The following ZKSCAN7 variants were observed in gnomAD, a reference collection of about 807,000 sequenced individuals.
The protein encoded by ZKSCAN7 is zinc finger protein with KRAB and SCAN domains 7.
ZKSCAN7 carries 38 observed loss-of-function variants against 65.3 expected under a neutral mutation model. That is an observed-to-expected ratio of 0.58 (90% CI 0.45 to 0.76). The LOEUF is 0.76. Ranked by LOEUF, ZKSCAN7 falls within the 30% of genes least tolerant of loss-of-function variation. The pLI is 0.00. For missense variants in ZKSCAN7, 815 were observed against 913.3 expected, an observed-to-expected ratio of 0.89 and a Z score of 1.39; for synonymous variants, 321 against 321.0, an observed-to-expected ratio of 1.00 and a Z score of 0.00.
chr3:44,568,834 G>A (rs1207589825), intron 5 of ZKSCAN7, among the ~76,000 whole-genome samples: 1 of 152,208 alleles, frequency 6.6e-6, no homozygotes, highest in Non-Finnish European at 1.5e-5. Flanking sequence ...CTGTGTTCCA[G>A]TGTGAATGTA....
At chr3:44,564,466 C>T (rs1266934026) in intron 2 of ZKSCAN7, among the ~76,000 whole-genome samples, 1 of 152,070 alleles carries the variant, frequency 6.6e-6, no homozygotes, top group African/African-American at 2.4e-5. Context: ...AAGTTCTTAC[C>T]CTCAAAAAAC....
At chr3:44,579,583 C>T (rs779663476) in intron 5 of ZKSCAN7, among the ~76,000 whole-genome samples, 6 of 152,122 alleles carry the variant, frequency 3.9e-5, no homozygotes, top group African/African-American at 7.2e-5. Context: ...GGGCGGTGGT[C>T]GGGTGCACAT....
At position 44,571,081 on chromosome 3, in the gene ZKSCAN7, C is replaced by T. The variant is rs1699793494; in HGVS notation, c.1971C>T (p.His657=). The T allele has an allele frequency of 6.2e-7, 1 of 1,614,022 alleles. No homozygotes were observed. Among genetic ancestry groups the T allele is most frequent in the Non-Finnish European group, 8.5e-7 (1 of 1,180,042 alleles). Residue 657 remains histidine, a synonymous_variant, in exon 6 of 6, where the codon CAC becomes CAT. Coordinates refer to ENST00000426540, the MANE Select transcript of ZKSCAN7 (RefSeq NM_001288590.2). ...ACCTTATTATACACCAGAGAATTCA[C>T]ACTGGTGAGAAACCCTATGAATGTA... The part of the protein sequence containing the change: ...NSHLIIHQRI[H]TGEKPYECNE...
downstream of ZKSCAN7, among the ~76,000 whole-genome samples, chr3:44,576,995 A>C (rs961973195): frequency 2.0e-5 from 3 of 151,048 alleles, no homozygotes; most frequent in Non-Finnish European, 2.9e-5. Context: ...ACAGGGTCTT[A>C]CTCTGTCACC....
intron 5 of ZKSCAN7, among the ~76,000 whole-genome samples, chr3:44,578,990 T>A (rs930317375): frequency 6.6e-6 from 1 of 152,278 alleles, no homozygotes; most frequent in South Asian, 2.1e-4. Flanking sequence ...CTGCTCCAGC[T>A]CCTTCTTGAG....
chr3:44,581,697 A>G (rs1700090374), intron 5 of ZKSCAN7, among the ~76,000 whole-genome samples: 1 of 152,218 alleles, frequency 6.6e-6, no homozygotes, highest in South Asian at 2.1e-4. Flanking sequence ...AAACCCAAGG[A>G]CAGTTTAGGT....
At chr3:44,580,755 G>T in intron 5 of ZKSCAN7, 1 of 1,613,778 alleles carries the variant, frequency 6.2e-7, no homozygotes, top group Non-Finnish European at 8.5e-7. Flanking sequence ...AGGAAGGGTC[G>T]TGGGCATCTC....
chr3:44,567,181 G>GAA (rs10662770), intron 3 of ZKSCAN7, among the ~76,000 whole-genome samples: 127,808 of 150,218 alleles, frequency 0.85, 54,390 homozygotes, highest in Middle Eastern at 0.91. Flanking sequence ...GAAAAGAAAA[G>GAA]AGAGAAAAGA....
At chr3:44,563,041 C>T (rs1241386418) in intron 2 of ZKSCAN7, among the ~76,000 whole-genome samples, 1 of 151,996 alleles carries the variant, frequency 6.6e-6, no homozygotes, top group Non-Finnish European at 1.5e-5. Context: ...GTTCAAAGTT[C>T]CACAGATATC....
rs756854630 is a variant in ZKSCAN7 at position 44,570,172 on chromosome 3, T to C, written c.1062T>C (p.Tyr354=). 5.0e-6 allele frequency: 8 copies of C among 1,614,036 alleles called. No homozygotes were observed. Among genetic ancestry groups the C allele is most frequent in the South Asian group, 3.3e-5 (3 of 91,090 alleles). ...EDKKKSTKDR[Y]DKYKEVGEHP... is the part of the protein sequence containing the mutation. ...AGAAAAAATCCACAAAAGACAGATATGACAAATATAAGGAAGTTGGGGAAC... is the reference window on the plus strand; with the variant it reads ...AGAAAAAATCCACAAAAGACAGATACGACAAATATAAGGAAGTTGGGGAAC... The change falls in exon 6 of 6, where the codon TAT becomes TAC. Residue 354 remains tyrosine (Y), a synonymous_variant. Transcript: ENST00000426540.
chr3:44,556,527 CA>C (rs1699298760), intron 1 of ZKSCAN7, among the ~76,000 whole-genome samples: 1 of 152,232 alleles, frequency 6.6e-6, no homozygotes, highest in African/African-American at 2.4e-5. Context: ...TACTACTATA[CA>C]AATTGTAATG....
At chr3:44,575,672 G>T (rs541164544), downstream of ZKSCAN7, among the ~76,000 whole-genome samples, 2 of 152,306 alleles carry the variant, frequency 1.3e-5, no homozygotes, top group African/African-American at 4.8e-5. Flanking sequence ...CCGCCTCCCA[G>T]GTTCAAGCAA....
intron 5 of ZKSCAN7, chr3:44,580,439 G>C (rs558237992): frequency 1.9e-6 from 3 of 1,600,968 alleles, no homozygotes; most frequent in Non-Finnish European, 1.7e-6. Context: ...GTGTGGACTT[G>C]GTGGTGGGGA....
At position 44,570,396 on chromosome 3, in the gene ZKSCAN7, A is replaced by T; in HGVS notation, c.1286A>T (p.His429Leu). ...TFRQTSQLIV[H>L]LRTHTGEKPY... is the part of the protein sequence containing the mutation. The stretch of plus-strand genomic sequence containing the variant: ...AGGCAAACCTCCCAGCTCATTGTTC[A>T]TCTCAGAACCCACACAGGGGAAAAA... Residue 429 changes from histidine to leucine, a missense_variant, in exon 6 of 6, where the codon CAT becomes CTT. His to Leu is a moderately conservative substitution (Grantham distance 99). This residue lies in a region of ZKSCAN7 where 578 missense variants were observed against 629.5 expected (regional missense o/e 0.92). Coordinates refer to ENST00000426540, the MANE Select transcript of ZKSCAN7 (RefSeq NM_001288590.2). The T allele has an allele frequency of 6.2e-7, 1 of 1,614,018 alleles. No individual in the cohort carries two copies. The highest frequency in any genetic ancestry group is 8.5e-7 in the Non-Finnish European group (1 of 1,179,918).
rs561925523 is a variant in ZKSCAN7 at position 44,579,445 on chromosome 3, G to A, written c.812-3527G>A. The stretch of plus-strand genomic sequence containing the variant: ...GGCCCTCTCGCCTCCGCTCCCACGT[G>A]CGGCTCCTCTTCTGCTCAGGGTCCG... On this transcript the variant is annotated intron_variant, in intron 5 of 5. Coordinates refer to the ZKSCAN7 transcript ENST00000341840. Among the ~76,000 whole-genome samples the A allele has an allele frequency of 2.0e-5, 3 of 152,320 alleles. No individual in the cohort carries two copies. The South Asian group carries it at 6.2e-4, about 32-fold the overall frequency.
intron 5 of ZKSCAN7, chr3:44,580,380 A>G: frequency 6.2e-7 from 1 of 1,606,294 alleles, no homozygotes; most frequent in Admixed American, 1.7e-5. Context: ...AGCTGGACTC[A>G]GACTGCTGCC....
chr3:44,558,783 T>A (rs567188074), intron 2 of ZKSCAN7, among the ~76,000 whole-genome samples: 579 of 7,536 alleles, frequency 0.077, 4 homozygotes, highest in African/African-American at 0.17. Context: ...TTCTTCTTCA[T>A]TTTTTTTTTT....
downstream of ZKSCAN7, among the ~76,000 whole-genome samples, chr3:44,574,391 G>C (rs569862677): frequency 6.6e-6 from 1 of 152,322 alleles, no homozygotes; most frequent in South Asian, 2.1e-4. Context: ...TGAGATTACA[G>C]GTGTGAGCTG....
intron 5 of ZKSCAN7, chr3:44,579,952 C>G: frequency 6.2e-7 from 1 of 1,600,014 alleles, no homozygotes. Context: ...ACGGGGGAAG[C>G]CGAGGCGTCT....
Sources: allele counts gnomAD v4.1 joint callset (sites outside exome capture counted in the v4.1 genomes callset), GRCh38; gene constraint gnomAD v4.1.1; regional missense constraint gnomAD v4.1.1; transcripts MANE v1.5; gene names NCBI Gene and HGNC (gene_info 2026-07-23, HGNC 2026-07-21).